Variants in SORCS3 observed in about 807,000 individuals in gnomAD.
The protein encoded by SORCS3 is sortilin related VPS10 domain containing receptor 3.
A neutral mutation model predicts 146.3 loss-of-function variants in SORCS3; 57 were observed. That is an observed-to-expected ratio of 0.39 (90% CI 0.31 to 0.49). The LOEUF (loss-of-function observed/expected upper bound fraction) is 0.49, where lower values mean the gene tolerates loss of function less well. Among genes scored for constraint, SORCS3 ranks in the 20% least tolerant of loss-of-function variants. The probability of loss-of-function intolerance (pLI) is 0.92; values close to 1 mark genes in which losing one functional copy is unlikely to be tolerated. For synonymous variants in SORCS3, 653 were observed against 618.5 expected (o/e 1.06, Z -0.83); for missense variants, 1,341 against 1,575.5 (o/e 0.85, Z 2.52).
chr10:105,020,349 C>T (rs2055191352), intron 4 of SORCS3, among the ~76,000 whole-genome samples: 1 of 152,170 alleles, frequency 6.6e-6, no homozygotes, highest in Non-Finnish European at 1.5e-5. Context: ...CATTGGCTCT[C>T]CTTTGCTGTC....
intron 13 of SORCS3, among the ~76,000 whole-genome samples, chr10:105,176,973 G>A (rs2119555960): frequency 6.7e-6 from 1 of 149,768 alleles, no homozygotes; most frequent in South Asian, 2.1e-4. Context: ...ATGTGTGTGT[G>A]TGTGTATACA....
intron 5 of SORCS3, among the ~76,000 whole-genome samples, chr10:105,050,134 CAT>C (rs2055401045): frequency 1.3e-5 from 2 of 151,998 alleles, no homozygotes; most frequent in Admixed American, 6.6e-5. Context: ...CCACCTGTAA[CAT>C]ATGGCAGTAT....
chr10:105,249,430 G>A (rs1416028474), intron 22 of SORCS3, among the ~76,000 whole-genome samples: 3 of 152,142 alleles, frequency 2.0e-5, no homozygotes, highest in Non-Finnish European at 4.4e-5. Flanking sequence ...GGTTCCCCAA[G>A]GCAGAGGAGA....
At chr10:105,002,313 TTTAA>T (rs1330632051) in intron 4 of SORCS3, among the ~76,000 whole-genome samples, 1 of 152,170 alleles carries the variant, frequency 6.6e-6, no homozygotes, top group Non-Finnish European at 1.5e-5. Flanking sequence ...GGTTCATGCA[TTTAA>T]TTATTCATTC....
intron 1 of SORCS3, among the ~76,000 whole-genome samples, chr10:104,695,064 G>T (rs777544742): frequency 6.6e-6 from 1 of 152,118 alleles, no homozygotes; most frequent in Non-Finnish European, 1.5e-5. Flanking sequence ...GGAAGCCCTC[G>T]TGTCGATTCA....
At chr10:105,251,656 T>G (rs2056899178) in intron 22 of SORCS3, among the ~76,000 whole-genome samples, 1 of 152,078 alleles carries the variant, frequency 6.6e-6, no homozygotes. Context: ...GAAGAGGTGG[T>G]GATGTTCTGG....
At chr10:104,886,563 T>TATCC (rs201639242) in intron 2 of SORCS3, among the ~76,000 whole-genome samples, 13,057 of 106,640 alleles carry the variant, frequency 0.12, 1,148 homozygotes, top group African/African-American at 0.26. Context: ...ATCATCTATC[T>TATCC]ATCTATCTAT....
At chr10:104,759,269 C>A (rs1389652164) in intron 1 of SORCS3, among the ~76,000 whole-genome samples, 1 of 152,314 alleles carries the variant, frequency 6.6e-6, no homozygotes, top group South Asian at 2.1e-4. Context: ...AAGGAAGCAA[C>A]TCTGTCCACA....
chr10:104,799,911 C>T (rs1042664918), intron 1 of SORCS3, among the ~76,000 whole-genome samples: 6 of 151,948 alleles, frequency 3.9e-5, no homozygotes, highest in Non-Finnish European at 7.4e-5. Flanking sequence ...CTCCTGACCT[C>T]GGGATCTGCC....
chr10:104,982,667 G>C (rs929706989), intron 4 of SORCS3, among the ~76,000 whole-genome samples: 1 of 152,308 alleles, frequency 6.6e-6, no homozygotes, highest in East Asian at 1.9e-4. Context: ...CCTACAGCAA[G>C]TGGCCACTGC....
At chr10:104,849,482 A>G (rs2018247168) in intron 2 of SORCS3, among the ~76,000 whole-genome samples, 2 of 151,458 alleles carry the variant, frequency 1.3e-5, no homozygotes, top group Admixed American at 6.6e-5. Flanking sequence ...GTTCCTAGAA[A>G]CACCTGGTGA....
At chr10:105,141,664 T>G (rs569759310) in intron 8 of SORCS3, among the ~76,000 whole-genome samples, 1 of 152,234 alleles carries the variant, frequency 6.6e-6, no homozygotes, top group East Asian at 1.9e-4. Flanking sequence ...ATGAGGAGCA[T>G]TATTAGAAGC....
intron 16 of SORCS3, among the ~76,000 whole-genome samples, chr10:105,210,831 C>CT (rs757620475): frequency 3.9e-4 from 59 of 152,138 alleles, no homozygotes; most frequent in Non-Finnish European, 7.6e-4. Flanking sequence ...TAACAGCATC[C>CT]TCCGCATTTA....
intron 1 of SORCS3, among the ~76,000 whole-genome samples, chr10:104,807,162 C>G (rs139553857): frequency 7.6e-4 from 110 of 145,064 alleles, no homozygotes; most frequent in Admixed American, 7.5e-4. Flanking sequence ...TTTATAATCT[C>G]TTCACTAAGC....
rs1225315314 is a variant in SORCS3, at chr10:104,872,324, T to C, written c.695+29465T>C. On this transcript the variant is annotated intron_variant, in intron 2 of 26. Transcript: ENST00000369701. ...TCAGTTTTCATTCCTGGGCTTTTCA[T>C]TGTTAGGAAAATGAGGGGTTTGTGT... 3.9e-5 allele frequency among the ~76,000 whole-genome samples: 6 copies of C among 152,154 alleles called. No homozygotes were observed. In the South Asian group the frequency reaches 1.0e-3, roughly 26 times the overall value.
intron 1 of SORCS3, among the ~76,000 whole-genome samples, chr10:104,645,138 C>A (rs984795743): frequency 6.6e-6 from 1 of 152,158 alleles, no homozygotes; most frequent in Admixed American, 6.5e-5. Flanking sequence ...ACCATGTTGC[C>A]TGCCAGGTGC....
intron 1 of SORCS3, among the ~76,000 whole-genome samples, chr10:104,663,439 A>G (rs2015727291): frequency 6.6e-6 from 1 of 152,144 alleles, no homozygotes; most frequent in Non-Finnish European, 1.5e-5. Flanking sequence ...ATCAAATATT[A>G]AAAGTTGAAA....
At chr10:105,142,854 T>G (rs1441198141) in intron 8 of SORCS3, among the ~76,000 whole-genome samples, 1 of 152,196 alleles carries the variant, frequency 6.6e-6, no homozygotes, top group Non-Finnish European at 1.5e-5. Context: ...AATTCTGTTT[T>G]GAATAATAAA....
At chr10:105,213,833 A>T (rs533356064) in intron 17 of SORCS3, among the ~76,000 whole-genome samples, 1 of 150,992 alleles carries the variant, frequency 6.6e-6, no homozygotes, top group African/African-American at 2.4e-5. Context: ...TCTGGAGTTT[A>T]TGCTGAGTGG....
Sources: allele counts gnomAD v4.1 joint callset (sites outside exome capture counted in the v4.1 genomes callset), GRCh38; gene constraint gnomAD v4.1.1; transcripts MANE v1.5; gene names NCBI Gene and HGNC (gene_info 2026-07-23, HGNC 2026-07-21).